MMP16: variants seen among roughly 807,000 people sequenced by gnomAD.
MMP16 encodes matrix metallopeptidase 16.
Under a neutral mutation model 67.8 loss-of-function variants are expected in MMP16, and 12 were observed. The ratio of observed to expected loss-of-function variants is 0.18; its 90% CI spans 0.11 to 0.29. MMP16 has a LOEUF of 0.29. Ranked by LOEUF, MMP16 falls within the 10% of genes least tolerant of loss-of-function variation. The pLI is 1.00. For synonymous variants in MMP16, 249 were observed against 255.9 expected (o/e 0.97, Z 0.26); for missense variants, 475 against 765.7 (o/e 0.62, Z 4.48).
chr8:88,317,778 G>A (rs866591648), intron 1 of MMP16, among the ~76,000 whole-genome samples: 2 of 151,970 alleles, frequency 1.3e-5, no homozygotes, highest in African/African-American at 4.8e-5. Context: ...ACAATCTTAG[G>A]GCCTGAAGAT....
chr8:88,203,102 T>TAC (rs1420279106), intron 1 of MMP16, among the ~76,000 whole-genome samples: 3 of 53,668 alleles, frequency 5.6e-5, no homozygotes, highest in Non-Finnish European at 1.2e-4. Flanking sequence ...ATACCAGAAC[T>TAC]TCTTTTTTTT....
At chr8:88,192,773 T>C (rs767328010) in intron 2 of MMP16, among the ~76,000 whole-genome samples, 6 of 152,228 alleles carry the variant, frequency 3.9e-5, no homozygotes, top group African/African-American at 4.8e-5. Context: ...AATATCACTA[T>C]AGTTTCATTG....
chr8:88,099,523 C>T (rs1241063242), intron 6 of MMP16, among the ~76,000 whole-genome samples: 4 of 151,772 alleles, frequency 2.6e-5, no homozygotes, highest in Non-Finnish European at 4.4e-5. Flanking sequence ...CTTTAAATAT[C>T]TTGCCTCATG....
At chr8:88,042,372 G>A (rs1458056366) in intron 9 of MMP16, among the ~76,000 whole-genome samples, 1 of 152,120 alleles carries the variant, frequency 6.6e-6, no homozygotes, top group Non-Finnish European at 1.5e-5. Flanking sequence ...ATAATACAAT[G>A]AAATCATAAA....
intron 4 of MMP16, among the ~76,000 whole-genome samples, chr8:88,164,345 G>A (rs1002508656): frequency 6.6e-6 from 1 of 151,898 alleles, no homozygotes; most frequent in Non-Finnish European, 1.5e-5. Flanking sequence ...TGTCAGATTT[G>A]TGCCATGCAT....
chr8:88,233,950 G>C (rs1487329372), intron 1 of MMP16, among the ~76,000 whole-genome samples: 1 of 152,152 alleles, frequency 6.6e-6, no homozygotes, highest in Non-Finnish European at 1.5e-5. Flanking sequence ...CTATTTTATA[G>C]TCAAACATGA....
chr8:88,101,087 A>T (rs910217843), intron 6 of MMP16, among the ~76,000 whole-genome samples: 2 of 151,936 alleles, frequency 1.3e-5, no homozygotes, highest in Non-Finnish European at 2.9e-5. Flanking sequence ...ACAAACCTGC[A>T]CGTTGTGCAC....
intron 1 of MMP16, among the ~76,000 whole-genome samples, chr8:88,215,741 AGTTTTT>A (rs1809582371): frequency 1.3e-5 from 2 of 152,014 alleles, no homozygotes; most frequent in Non-Finnish European, 2.9e-5. Flanking sequence ...CATCTCCTGT[AGTTTTT>A]CTTAACTGCC....
intron 1 of MMP16, among the ~76,000 whole-genome samples, chr8:88,320,701 C>A (rs1318172475): frequency 6.6e-6 from 1 of 152,054 alleles, no homozygotes. Context: ...AGTATCTGTC[C>A]TTGATTTTAA....
intron 7 of MMP16, among the ~76,000 whole-genome samples, chr8:88,070,057 T>C (rs1413694691): frequency 6.6e-6 from 1 of 152,186 alleles, no homozygotes; most frequent in Non-Finnish European, 1.5e-5. Flanking sequence ...AATCAGATTG[T>C]CTATAAATAC....
intron 1 of MMP16, among the ~76,000 whole-genome samples, chr8:88,281,982 T>C (rs1399510772): frequency 6.6e-6 from 1 of 151,926 alleles, no homozygotes; most frequent in Non-Finnish European, 1.5e-5. Flanking sequence ...CTTCCTGTTC[T>C]TGGTAACTAA....
At chr8:88,324,055 T>C (rs1811501157) in intron 1 of MMP16, among the ~76,000 whole-genome samples, 1 of 152,170 alleles carries the variant, frequency 6.6e-6, no homozygotes, top group South Asian at 2.1e-4. Flanking sequence ...TGGATATCTT[T>C]ACCTAAGTGA....
At chr8:88,237,617 C>T (rs1809963529) in intron 1 of MMP16, among the ~76,000 whole-genome samples, 1 of 151,840 alleles carries the variant, frequency 6.6e-6, no homozygotes, top group Non-Finnish European at 1.5e-5. Flanking sequence ...CCACAGCACT[C>T]CAGCCTGGGC....
At chr8:88,225,582 T>C (rs986559885) in intron 1 of MMP16, among the ~76,000 whole-genome samples, 3 of 151,976 alleles carry the variant, frequency 2.0e-5, no homozygotes, top group Middle Eastern at 3.2e-3. Context: ...CAGCCATACA[T>C]CATGATCATT....
chr8:88,242,187 T>TC (rs1371832749), intron 1 of MMP16, among the ~76,000 whole-genome samples: 1 of 152,204 alleles, frequency 6.6e-6, no homozygotes, highest in Non-Finnish European at 1.5e-5. Flanking sequence ...CTATCTTTTT[T>TC]CCCATTTTAT....
chr8:88,207,696 A>AG (rs1443288349), intron 1 of MMP16, among the ~76,000 whole-genome samples: 1 of 17,906 alleles, frequency 5.6e-5, no homozygotes, highest in Non-Finnish European at 4.4e-4. Context: ...GACCATTGTT[A>AG]AAAAAAAAAA....
At chr8:88,116,479 TA>T (rs750842950) in intron 6 of MMP16, 27 bp downstream of exon 6, 120,737 of 1,049,378 alleles carry the variant, frequency 0.12, 107 homozygotes, top group South Asian at 0.19. Context: ...GATCTACTGT[TA>T]AAAAAAAAAA....
intron 4 of MMP16, among the ~76,000 whole-genome samples, chr8:88,122,967 C>A (rs570962513): frequency 6.6e-5 from 10 of 151,212 alleles, no homozygotes; most frequent in African/African-American, 2.2e-4. Context: ...AATTTTCCAA[C>A]CCCTTCATAT....
intron 1 of MMP16, among the ~76,000 whole-genome samples, chr8:88,261,821 G>A (rs1810393266): frequency 1.3e-5 from 2 of 149,512 alleles, no homozygotes; most frequent in Non-Finnish European, 3.0e-5. Context: ...TGATGGAAGA[G>A]GATAACATTT....
Sources: allele counts gnomAD v4.1 joint callset (sites outside exome capture counted in the v4.1 genomes callset), GRCh38; gene constraint gnomAD v4.1.1; transcripts MANE v1.5; gene names NCBI Gene and HGNC (gene_info 2026-07-23, HGNC 2026-07-21).